AGAP1: variants seen among roughly 807,000 people sequenced by gnomAD.
AGAP1 encodes ArfGAP with GTPase domain, ankyrin repeat and PH domain 1, also known as arf-GAP with GTPase, ANK repeat and PH domain-containing protein 1.
In AGAP1, 29 loss-of-function variants were observed where a neutral mutation model predicts 105.3. The observed-to-expected ratio is 0.28, with a 90% CI of 0.21 to 0.38. The LOEUF (loss-of-function observed/expected upper bound fraction) is 0.38, where lower values mean the gene tolerates loss of function less well. AGAP1 is among the 10% of genes least tolerant of loss of function. The pLI is 1.00. For missense variants in AGAP1, 998 were observed against 1,165.1 expected (o/e 0.86, Z 2.09); for synonymous variants, 509 against 485.9 (o/e 1.05, Z -0.63).
intron 1 of AGAP1, among the ~76,000 whole-genome samples, chr2:235,673,496 C>T (rs1208298118): frequency 1.3e-5 from 2 of 152,084 alleles, no homozygotes; most frequent in South Asian, 2.1e-4. Context: ...GATCGGGTGG[C>T]GCCCTTTAGT....
chr2:235,750,151 AAAAC>A lies in AGAP1; in HGVS notation c.539-199_539-196del, dbSNP rs547758842. On this transcript the variant is annotated intron_variant, in intron 5 of 17. Coordinates refer to ENST00000304032, the MANE Select transcript of AGAP1 (RefSeq NM_001037131.3). This position sits in a 1 kb window ranked among gnomAD's most constrained non-coding sequence, Gnocchi z 5.3. ...ATTGCAGTTTCAGAAGCGCTCCTGT[AAAAC>A]AAATATCTACGAATGAATAACTTTC... 1.2e-4 allele frequency among the ~76,000 whole-genome samples: 19 copies of A among 152,344 alleles called. No individual in the cohort carries two copies. In the South Asian group the frequency reaches 3.5e-3, roughly 28 times the overall value.
chr2:235,962,529 C>T lies in AGAP1; in HGVS notation c.1484-5933C>T, dbSNP rs1448875769. Among the ~76,000 whole-genome samples, 2 of 151,736 alleles carry T rather than the reference C, an allele frequency of 1.3e-5. No homozygotes were observed. The highest frequency in any genetic ancestry group is 2.4e-5 in the African/African-American group (1 of 41,292). On this transcript the variant is annotated intron_variant, in intron 12 of 17. Coordinates refer to ENST00000304032, the MANE Select transcript of AGAP1 (RefSeq NM_001037131.3). This position sits in a 1 kb window ranked among gnomAD's most constrained non-coding sequence, Gnocchi z 5.3. The stretch of plus-strand genomic sequence containing the variant: ...GTGAAGGCCTAGTGAGCTGGGGAGG[C>T]AGGGGTGGGGGTGGCAGTTAGACCC...
intron 1 of AGAP1, among the ~76,000 whole-genome samples, chr2:235,595,688 C>T (rs921698214): frequency 2.6e-5 from 4 of 152,138 alleles, no homozygotes; most frequent in Non-Finnish European, 4.4e-5. Context: ...ATTGCTAAAG[C>T]GTGCTCACTA....
Position 235,736,010 on chromosome 2 carries a change from T to C in AGAP1, c.311-4953T>C, listed in dbSNP as rs552175997. ...GTTCTCACCTCCCTCTGCTCTAAGC[T>C]GAGGATTCCAGGTGATGCTGTTTAC... On this transcript the variant is annotated intron_variant, in intron 3 of 17. Transcript: ENST00000304032. The surrounding 1 kb of genome is among the most constrained non-coding windows in gnomAD (Gnocchi z 5.5). 2.2e-4 allele frequency among the ~76,000 whole-genome samples: 33 copies of C among 152,150 alleles called. No homozygotes were observed. The highest frequency in any genetic ancestry group is 7.9e-4 in the African/African-American group (33 of 41,528).
Position 235,557,923 on chromosome 2 carries a change from G to A in AGAP1, c.163+63074G>A, listed in dbSNP as rs1944023357. On this transcript the variant is annotated intron_variant, in intron 1 of 17. Coordinates refer to ENST00000304032, the MANE Select transcript of AGAP1 (RefSeq NM_001037131.3). The surrounding 1 kb of genome is among the most constrained non-coding windows in gnomAD (Gnocchi z 4.7). ...TTGAGCCCTGCGCCATGTGAGTGAG[G>A]TTTTGTGGTCCTGGACAGGTGAGCT... Among the ~76,000 whole-genome samples the A allele has an allele frequency of 6.6e-6, 1 of 152,210 alleles. No homozygotes were observed. The highest frequency in any genetic ancestry group is 2.4e-5 in the African/African-American group (1 of 41,458).
intron 1 of AGAP1, among the ~76,000 whole-genome samples, chr2:235,538,966 G>T (rs1943343831): frequency 1.3e-5 from 2 of 152,050 alleles, no homozygotes; most frequent in African/African-American, 4.8e-5. Flanking sequence ...GAAAAACTCG[G>T]TCATGTTTCA....
In AGAP1 at chr2:235,982,946, C is replaced by T. The variant is rs1302876520; in HGVS notation, c.1645+14323C>T. On this transcript the variant is annotated intron_variant, in intron 13 of 17. Coordinates refer to ENST00000304032, the MANE Select transcript of AGAP1 (RefSeq NM_001037131.3). This position sits in a 1 kb window ranked among gnomAD's most constrained non-coding sequence, Gnocchi z 4.9. ...ATTTGATACCCATTCATTTATAGGC[C>T]AAATCCAGTTCTTATTTTAATTTTT... Among the ~76,000 whole-genome samples, 1 of 152,142 alleles carries T rather than the reference C, an allele frequency of 6.6e-6. No homozygotes were observed. The highest frequency in any genetic ancestry group is 1.9e-4 in the East Asian group (1 of 5,198).
intron 1 of AGAP1, among the ~76,000 whole-genome samples, chr2:235,654,921 T>A (rs1947724474): frequency 6.6e-6 from 1 of 152,206 alleles, no homozygotes; most frequent in Non-Finnish European, 1.5e-5. Flanking sequence ...ATGTTTTCAA[T>A]CCCTGTGTTG....
chr2:236,067,163 C>A (rs906486652), intron 16 of AGAP1, among the ~76,000 whole-genome samples: 7 of 151,912 alleles, frequency 4.6e-5, no homozygotes, highest in Non-Finnish European at 1.0e-4. Flanking sequence ...TTACCACTGG[C>A]TTGCTGTGTG....
intron 1 of AGAP1, among the ~76,000 whole-genome samples, chr2:235,687,715 C>G (rs971966653): frequency 2.0e-5 from 3 of 152,148 alleles, no homozygotes; most frequent in Non-Finnish European, 4.4e-5. Context: ...TCAGACTTAT[C>G]TTCTTCGCAG....
Position 236,035,763 on chromosome 2 carries a change from A to G in AGAP1, c.1646-798A>G, listed in dbSNP as rs769911428. On this transcript the variant is annotated intron_variant, in intron 13 of 17. Transcript: ENST00000304032. This position sits in a 1 kb window ranked among gnomAD's most constrained non-coding sequence, Gnocchi z 4.2. ...GACGTGGATCTGTGGAGTGTCTCCTATGGACCAGGTCCCAAGTCCGCATGG... is the reference window on the plus strand; with the variant it reads ...GACGTGGATCTGTGGAGTGTCTCCTGTGGACCAGGTCCCAAGTCCGCATGG... Among the ~76,000 whole-genome samples, 2 of 152,172 alleles carry G rather than the reference A, an allele frequency of 1.3e-5. No homozygotes were observed. Among genetic ancestry groups the G allele is most frequent in the Admixed American group, 1.3e-4 (2 of 15,286 alleles).
At position 235,615,920 on chromosome 2, in the gene AGAP1, C is replaced by G. The variant is rs1476540454; in HGVS notation, c.164-93259C>G. Among the ~76,000 whole-genome samples, 11 of 152,156 alleles carry G rather than the reference C, an allele frequency of 7.2e-5. No homozygotes were observed. Among genetic ancestry groups the G allele is most frequent in the Non-Finnish European group, 1.5e-4 (10 of 68,000 alleles). ...TGTATTACATATAGAGCATTGTCTT[C>G]TATATGTAAAGAGTTCTTATAAAAC... is the stretch of plus-strand genomic sequence containing the variant. On this transcript the variant is annotated intron_variant, in intron 1 of 17. Transcript: ENST00000304032. This position sits in a 1 kb window ranked among gnomAD's most constrained non-coding sequence, Gnocchi z 5.0.
At chr2:235,546,316 C>A (rs1943620554) in intron 1 of AGAP1, among the ~76,000 whole-genome samples, 1 of 152,134 alleles carries the variant, frequency 6.6e-6, no homozygotes, top group South Asian at 2.1e-4. Flanking sequence ...CTTTTCAGGT[C>A]CTTGATTATA....
In AGAP1 at chr2:235,615,100, C is replaced by G. The variant is rs148744778; in HGVS notation, c.164-94079C>G. Among the ~76,000 whole-genome samples, 443 of 152,290 alleles carry G rather than the reference C, an allele frequency of 2.9e-3. 4 individuals are homozygous for G. The highest frequency in any genetic ancestry group is 9.9e-3 in the African/African-American group (410 of 41,564). On this transcript the variant is annotated intron_variant, in intron 1 of 17. Coordinates refer to ENST00000304032, the MANE Select transcript of AGAP1 (RefSeq NM_001037131.3). This position sits in a 1 kb window ranked among gnomAD's most constrained non-coding sequence, Gnocchi z 5.0. ...CCTTCCATGAAGAGTGCAAGTACGC[C>G]TGACTCCTCCGCGCAGGGAATGAGC...
chr2:236,055,811 A>C lies in AGAP1; in HGVS notation c.2114+6530A>C, dbSNP rs2058037637. On this transcript the variant is annotated intron_variant, in intron 16 of 17. Transcript: ENST00000304032. The surrounding 1 kb of genome is among the most constrained non-coding windows in gnomAD (Gnocchi z 6.2). ...AGATATTTTAGCAACTTCTCTTAGCAAGCCAACTTGGAATCAGACTGAGAG... is the reference window on the plus strand; with the variant it reads ...AGATATTTTAGCAACTTCTCTTAGCCAGCCAACTTGGAATCAGACTGAGAG... Among the ~76,000 whole-genome samples the C allele has an allele frequency of 6.6e-6, 1 of 152,234 alleles. No homozygotes were observed. The highest frequency in any genetic ancestry group is 2.4e-5 in the African/African-American group (1 of 41,464).
intron 13 of AGAP1, among the ~76,000 whole-genome samples, chr2:235,999,343 G>C (rs2055981655): frequency 2.0e-5 from 3 of 149,070 alleles, no homozygotes; most frequent in Admixed American, 6.7e-5. Context: ...TGATGATAGT[G>C]GTGATGGTGA....
At chr2:235,706,471 G>A (rs60589135) in intron 1 of AGAP1, among the ~76,000 whole-genome samples, 11,589 of 151,842 alleles carry the variant, frequency 0.076, 1,447 homozygotes, top group African/African-American at 0.26. Flanking sequence ...CTCGTGATCC[G>A]CCCGCCTCGG....
intron 6 of AGAP1, among the ~76,000 whole-genome samples, chr2:235,778,579 C>A (rs907361480): frequency 1.3e-5 from 2 of 152,196 alleles, no homozygotes; most frequent in Non-Finnish European, 1.5e-5. Context: ...GTTTCTTCCC[C>A]CTCTCCTCCC....
At chr2:235,654,638 G>T (rs1293441598) in intron 1 of AGAP1, among the ~76,000 whole-genome samples, 1 of 152,194 alleles carries the variant, frequency 6.6e-6, no homozygotes, top group Non-Finnish European at 1.5e-5. Context: ...TTAAAGTGAC[G>T]TGAACTAGTT....
Sources: allele counts gnomAD v4.1 joint callset (sites outside exome capture counted in the v4.1 genomes callset), GRCh38; gene constraint gnomAD v4.1.1; non-coding constraint Gnocchi (gnomAD v3.1); transcripts MANE v1.5; gene names NCBI Gene and HGNC (gene_info 2026-07-23, HGNC 2026-07-21).